The following ZEB2 variants were observed in gnomAD, a reference collection of about 807,000 sequenced individuals.
The protein encoded by ZEB2 is zinc finger E-box-binding homeobox 2.
In ZEB2, 6 loss-of-function variants were observed where a neutral mutation model predicts 99.9. That is an observed-to-expected ratio of 0.06 (90% CI 0.03 to 0.12). The LOEUF is 0.12. ZEB2 is among the 10% of genes least tolerant of loss of function. The probability of loss-of-function intolerance (pLI) is 1.00; values close to 1 mark genes in which losing one functional copy is unlikely to be tolerated. For missense variants in ZEB2, 969 were observed against 1,502.8 expected (o/e 0.64, Z 5.87); for synonymous variants, 517 against 542.5 (o/e 0.95, Z 0.65).
chr2:144,517,337 A>C lies in ZEB2; in HGVS notation c.14T>G (p.Ile5Ser). ...CTTGCACCGGGGGCCATCCGCCATG[A>C]TCGGCTGCTTCATTGATAAGAGCGG... MKQP[I>S]MADGPRCKRR... The change falls in exon 2 of 10, where the codon ATC (isoleucine) becomes AGC (serine). Residue 5 changes from isoleucine to serine, a missense_variant. By Grantham distance (142) the Ile-to-Ser change is moderately radical. Coordinates refer to ENST00000627532, the MANE Select transcript of ZEB2 (RefSeq NM_014795.4). 1 of 1,613,450 alleles carries C rather than the reference A, an allele frequency of 6.2e-7. No homozygotes were observed. Among genetic ancestry groups the C allele is most frequent in the South Asian group, 1.1e-5 (1 of 91,072 alleles).
rs1703067803 is a variant in ZEB2, at chr2:144,385,379, T to C, written c.*4072A>G. 6.6e-6 allele frequency: 1 copy of C among 151,596 alleles called. No homozygotes were observed. The highest frequency in any genetic ancestry group is 1.5e-5 in the Non-Finnish European group (1 of 68,002). The allele number at this position is 151,596 out of a possible 1,614,324, so 9.4% of individuals were successfully genotyped here. On this transcript the variant is annotated 3_prime_UTR_variant, in exon 10 of 10. Coordinates refer to ENST00000627532, the MANE Select transcript of ZEB2 (RefSeq NM_014795.4). ...CTGCCCTATAAAATCTATAATAAGG[T>C]GGTTTTCATATATATATTTTTTCCC...
intron 2 of ZEB2, among the ~76,000 whole-genome samples, chr2:144,452,939 T>G (rs1156546473): frequency 6.6e-6 from 1 of 152,160 alleles, no homozygotes; most frequent in Non-Finnish European, 1.5e-5. Context: ...CCTTCTGTAA[T>G]AAGACATATT....
chr2:144,403,577 G>A (rs1264419966), intron 6 of ZEB2, among the ~76,000 whole-genome samples: 1 of 151,982 alleles, frequency 6.6e-6, no homozygotes. Context: ...GGTGAAAAAT[G>A]GAATTAAAAT....
chr2:144,478,964 A>T (rs1435674111), intron 2 of ZEB2, among the ~76,000 whole-genome samples: 1 of 152,204 alleles, frequency 6.6e-6, no homozygotes, highest in Non-Finnish European at 1.5e-5. Context: ...TGCTACAGTA[A>T]CGTATAAAAA....
At chr2:144,410,684 C>T (rs1462344431) in intron 4 of ZEB2, among the ~76,000 whole-genome samples, 1 of 152,084 alleles carries the variant, frequency 6.6e-6, no homozygotes, top group Non-Finnish European at 1.5e-5. Flanking sequence ...TGTAGCAAGC[C>T]TGTGTTCACA....
intron 2 of ZEB2, chr2:144,512,527 C>G (rs1383964992): frequency 7.8e-7 from 1 of 1,287,078 alleles, no homozygotes; most frequent in Non-Finnish European, 1.0e-6. Context: ...TATGACATAG[C>G]AGTTGAGCAG....
At position 144,404,975 on chromosome 2, in the gene ZEB2, T is replaced by C; in HGVS notation, c.453A>G (p.Arg151=). 2 of 1,614,250 alleles carry C rather than the reference T, an allele frequency of 1.2e-6. No individual in the cohort carries two copies. Among genetic ancestry groups the C allele is most frequent in the Non-Finnish European group, 1.7e-6 (2 of 1,180,048 alleles). The change falls in exon 5 of 10, where the codon AGA becomes AGG. Residue 151 remains arginine (R), a synonymous_variant. Transcript: ENST00000627532. Reference sequence around the variant, plus strand: ...CATGACCATCGCGTTCCTCCAGTTTTCTTTTGGCAAAGTATTCCTCAAAAT... The same window carrying C: ...CATGACCATCGCGTTCCTCCAGTTTCCTTTTGGCAAAGTATTCCTCAAAAT... ...TSDFEEYFAK[R]KLEERDGHAV...
chr2:144,447,173 C>T (rs532503931), intron 2 of ZEB2, among the ~76,000 whole-genome samples: 3 of 152,086 alleles, frequency 2.0e-5, no homozygotes, highest in Admixed American at 6.6e-5. Context: ...CTGTTTTACA[C>T]GCAAGATTTC....
At chr2:144,449,577 C>G (rs906619906) in intron 2 of ZEB2, 1 of 152,168 alleles carries the variant, frequency 6.6e-6, no homozygotes, top group African/African-American at 2.4e-5. Context: ...AAGACCCCGT[C>G]AGATTCAGTG....
chr2:144,463,853 CAAA>C (rs912366406), intron 2 of ZEB2: 1 of 144,410 alleles, frequency 6.9e-6, no homozygotes, highest in African/African-American at 2.6e-5. Context: ...AAACAAAAAA[CAAA>C]AAACAAAAAA....
At chr2:144,409,108 G>C (rs1703424167) in intron 4 of ZEB2, among the ~76,000 whole-genome samples, 1 of 152,162 alleles carries the variant, frequency 6.6e-6, no homozygotes, top group Admixed American at 6.5e-5. Context: ...TCGTTCCTGA[G>C]GCCGAGGTGC....
At chr2:144,414,597 G>A (rs1183926530) in intron 4 of ZEB2, among the ~76,000 whole-genome samples, 1 of 152,068 alleles carries the variant, frequency 6.6e-6, no homozygotes, top group East Asian at 1.9e-4. Context: ...AAAATTTCTA[G>A]CCTGATTTCC....
intron 2 of ZEB2, among the ~76,000 whole-genome samples, chr2:144,484,215 A>C (rs2149915788): frequency 3.7e-5 from 1 of 26,958 alleles, no homozygotes; most frequent in African/African-American, 1.1e-4. Context: ...GTGTGTGTGA[A>C]ATAGCCCAAT....
intron 2 of ZEB2, chr2:144,445,169 CTTAT>C (rs1237517623): frequency 2.0e-5 from 3 of 151,962 alleles, no homozygotes; most frequent in Non-Finnish European, 2.9e-5. Flanking sequence ...GAGAAGACCC[CTTAT>C]TTATACTTTC....
At chr2:144,473,260 G>A (rs182968275) in intron 2 of ZEB2, among the ~76,000 whole-genome samples, 2 of 152,302 alleles carry the variant, frequency 1.3e-5, no homozygotes, top group East Asian at 1.9e-4. Context: ...GGAGGTCCAC[G>A]ATAGGGTGGT....
At chr2:144,452,991 C>T (rs563091687) in intron 2 of ZEB2, among the ~76,000 whole-genome samples, 1 of 151,376 alleles carries the variant, frequency 6.6e-6, no homozygotes, top group African/African-American at 2.4e-5. Flanking sequence ...TTTTTTTTTA[C>T]AGGAAATGTA....
At chr2:144,499,576 C>T (rs1291874269) in intron 2 of ZEB2, among the ~76,000 whole-genome samples, 2 of 152,062 alleles carry the variant, frequency 1.3e-5, no homozygotes, top group African/African-American at 4.8e-5. Context: ...TTAGATGTTT[C>T]TAGATGGAAT....
intron 2 of ZEB2, among the ~76,000 whole-genome samples, chr2:144,436,462 C>T (rs541105918): frequency 1.3e-5 from 2 of 152,208 alleles, no homozygotes; most frequent in African/African-American, 4.8e-5. Flanking sequence ...AAAAAATACG[C>T]ATATTAAATA....
intron 2 of ZEB2, chr2:144,514,344 A>T (rs1705095283): frequency 6.6e-6 from 1 of 152,286 alleles, no homozygotes; most frequent in Non-Finnish European, 1.5e-5. Context: ...AAAATTATAT[A>T]AAGTGCCATT....
Sources: gnomAD v4.1 joint callset for allele counts (sites outside exome capture counted in the v4.1 genomes callset) on GRCh38, gnomAD v4.1.1 for gene constraint, MANE v1.5 for transcripts, NCBI Gene and HGNC (gene_info 2026-07-23, HGNC 2026-07-21) for gene names.